SNRPN: variants seen among roughly 807,000 people sequenced by gnomAD.
SNRPN encodes the protein small nuclear ribonucleoprotein polypeptide N.
SNRPN carries 7 observed loss-of-function variants against 25.2 expected under a neutral mutation model. The observed-to-expected ratio is 0.28, with a 90% CI of 0.16 to 0.52. SNRPN has a LOEUF of 0.52. SNRPN is among the 20% of genes least tolerant of loss of function. SNRPN has a pLI of 0.96. For missense variants in SNRPN, 196 were observed against 322.5 expected, an observed-to-expected ratio of 0.61 and a Z score of 3.00; for synonymous variants, 124 against 110.6, an observed-to-expected ratio of 1.12 and a Z score of -0.76.
chr15:24,913,606 A>T (rs1040254401), intron 2 of SNRPN, among the ~76,000 whole-genome samples: 1 of 152,170 alleles, frequency 6.6e-6, no homozygotes, highest in African/African-American at 2.4e-5. Flanking sequence ...AGATCACGCC[A>T]CTGCACTTCA....
chr15:24,912,124 C>A (rs1436414524), intron 2 of SNRPN, among the ~76,000 whole-genome samples: 1 of 152,272 alleles, frequency 6.6e-6, no homozygotes, highest in African/African-American at 2.4e-5. Context: ...GGACATGTTA[C>A]CCCTATCTTC....
intron 6 of SNRPN, among the ~76,000 whole-genome samples, 157 bp downstream of exon 6, chr15:24,976,573 C>A (rs77138664): frequency 6.6e-6 from 1 of 152,126 alleles, no homozygotes; most frequent in Admixed American, 6.5e-5. Context: ...CTATGCTATT[C>A]GGGATTAGGG....
At chr15:24,894,889 C>G (rs918946511) in intron 2 of SNRPN, among the ~76,000 whole-genome samples, 1 of 152,100 alleles carries the variant, frequency 6.6e-6, no homozygotes, top group South Asian at 2.1e-4. Flanking sequence ...TTTGCTTGTC[C>G]CCCTGTAACA....
intron 3 of SNRPN, among the ~76,000 whole-genome samples, chr15:24,948,099 TTTTTA>T (rs71127029): frequency 2.0e-5 from 3 of 150,550 alleles, no homozygotes; most frequent in Admixed American, 6.7e-5. Context: ...CAATCTTCCT[TTTTTA>T]TTTTATTTTA....
intron 2 of SNRPN, among the ~76,000 whole-genome samples, chr15:24,899,933 A>G (rs1419298864): frequency 1.3e-5 from 2 of 152,188 alleles, no homozygotes; most frequent in East Asian, 3.9e-4. Context: ...CACAGAGATG[A>G]ATCTGGGAGG....
At chr15:24,933,918 A>G (rs1285020887) in intron 3 of SNRPN, among the ~76,000 whole-genome samples, 2 of 152,214 alleles carry the variant, frequency 1.3e-5, no homozygotes, top group Non-Finnish European at 2.9e-5. Flanking sequence ...AATTTATACC[A>G]GGGGTCAGCC....
At chr15:24,963,654 ATTTAT>A (rs986121071) in intron 2 of SNRPN, among the ~76,000 whole-genome samples, 1 of 152,060 alleles carries the variant, frequency 6.6e-6, no homozygotes, top group Non-Finnish European at 1.5e-5. Context: ...ATGAATACTA[ATTTAT>A]TTTATTTTTT....
At chr15:24,965,454 T>C (rs1396674457) in intron 2 of SNRPN, among the ~76,000 whole-genome samples, 1 of 152,142 alleles carries the variant, frequency 6.6e-6, no homozygotes, top group East Asian at 1.9e-4. Context: ...GAAGAATCGC[T>C]TGAACCTGGG....
intron 1 of SNRPN, among the ~76,000 whole-genome samples, chr15:24,878,388 GGA>G (rs58428848): frequency 0.096 from 14,537 of 152,218 alleles, 915 homozygotes; most frequent in East Asian, 0.27. Context: ...TGACAGTTGG[GGA>G]GAACGGCAGC....
At chr15:24,827,930 G>C (rs1321824174) in intron 1 of SNRPN, among the ~76,000 whole-genome samples, 2 of 149,126 alleles carry the variant, frequency 1.3e-5, no homozygotes, top group Non-Finnish European at 3.0e-5. Flanking sequence ...CACAAGATAA[G>C]ATAAATTTTC....
chr15:24,878,487 C>T (rs1410458754), intron 1 of SNRPN, among the ~76,000 whole-genome samples: 2 of 152,232 alleles, frequency 1.3e-5, no homozygotes, highest in African/African-American at 4.8e-5. Flanking sequence ...TCCGTGCGCC[C>T]CGAGGGTCTG....
At position 24,978,266 on chromosome 15, in the gene SNRPN, G is replaced by A. The variant is rs372752818; in HGVS notation, c.633G>A (p.Thr211=). The change falls in exon 9 of 10, where the codon ACG becomes ACA. Residue 211 remains threonine (T), a synonymous_variant. Coordinates refer to ENST00000390687, the MANE Select transcript of SNRPN (RefSeq NM_003097.6). ...PPIGLPPARG[T]PIGMPPPGMR... Reference sequence around the variant, plus strand: ...TTGGGCTTCCCCCTGCTCGAGGGACGCCAATAGGCATGCCGCCTCCGGGAA... The same window carrying A: ...TTGGGCTTCCCCCTGCTCGAGGGACACCAATAGGCATGCCGCCTCCGGGAA... 1.3e-4 allele frequency: 214 copies of A among 1,613,914 alleles called. No homozygotes were observed. Among genetic ancestry groups the A allele is most frequent in the Non-Finnish European group, 1.6e-4 (192 of 1,179,964 alleles).
chr15:24,883,429 C>A (rs1167339590), intron 1 of SNRPN, among the ~76,000 whole-genome samples: 2 of 150,926 alleles, frequency 1.3e-5, no homozygotes, highest in African/African-American at 4.9e-5. Context: ...CTGGGCACAC[C>A]CACTGGGTGG....
intron 2 of SNRPN, among the ~76,000 whole-genome samples, chr15:24,844,864 C>T (rs1206558483): frequency 6.6e-6 from 1 of 152,098 alleles, no homozygotes; most frequent in Admixed American, 6.6e-5. Flanking sequence ...TATTTATTCC[C>T]TACCATTATA....
At chr15:24,864,436 C>T (rs147763260) in intron 1 of SNRPN, among the ~76,000 whole-genome samples, 2,780 of 149,206 alleles carry the variant, frequency 0.019, 85 homozygotes, top group African/African-American at 0.066. Flanking sequence ...CTCTGCCTCC[C>T]GGGTTCAAGC....
chr15:24,874,410 G>A (rs2055640799), intron 1 of SNRPN, among the ~76,000 whole-genome samples: 1 of 151,704 alleles, frequency 6.6e-6, no homozygotes, highest in South Asian at 2.1e-4. Flanking sequence ...GAAAATGAGG[G>A]CTGATGAGCT....
At chr15:24,928,874 C>G (rs1042347208) in intron 3 of SNRPN, among the ~76,000 whole-genome samples, 1 of 152,126 alleles carries the variant, frequency 6.6e-6, no homozygotes, top group Non-Finnish European at 1.5e-5. Context: ...TCCCAAAGTG[C>G]TAGGATTACA....
chr15:24,937,218 C>T (rs548626225), intron 3 of SNRPN, among the ~76,000 whole-genome samples: 3 of 151,946 alleles, frequency 2.0e-5, no homozygotes, highest in Admixed American at 6.6e-5. Context: ...TCCAGCCTGG[C>T]GACAGAGCGA....
At chr15:24,937,978 A>G (rs898986201) in intron 3 of SNRPN, among the ~76,000 whole-genome samples, 2 of 152,180 alleles carry the variant, frequency 1.3e-5, no homozygotes, top group South Asian at 2.1e-4. Context: ...ATGATACTCC[A>G]TTGCATGTAT....
Sources: allele counts gnomAD v4.1 joint callset (sites outside exome capture counted in the v4.1 genomes callset), GRCh38; gene constraint gnomAD v4.1.1; transcripts MANE v1.5; gene names NCBI Gene and HGNC (gene_info 2026-07-23, HGNC 2026-07-21).